The following MMRN1 variants were observed in gnomAD, a reference collection of about 807,000 sequenced individuals.
MMRN1 encodes multimerin 1, also known as multimerin-1.
A neutral mutation model predicts 100.7 loss-of-function variants in MMRN1; 94 were observed. That is an observed-to-expected ratio of 0.93 (90% CI 0.79 to 1.11). MMRN1 has a LOEUF of 1.11. Ranked by LOEUF, MMRN1 falls within the 50% of genes least tolerant of loss-of-function variation. The pLI is 0.00. For synonymous variants in MMRN1, 575 were observed against 505.0 expected, an observed-to-expected ratio of 1.14 and a Z score of -1.86; for missense variants, 1,606 against 1,439.1, an observed-to-expected ratio of 1.12 and a Z score of -1.88.
chr4:89,923,130 T>G (rs1722142619), intron 3 of MMRN1, 38 bp from the exon 4 acceptor site: 1 of 1,547,884 alleles, frequency 6.5e-7, no homozygotes, highest in Admixed American at 1.7e-5. Flanking sequence ...GCTGTCCCAG[T>G]GCTTAACTGT....
chr4:89,926,943 G>A (rs957010434), intron 4 of MMRN1, among the ~76,000 whole-genome samples: 1 of 152,008 alleles, frequency 6.6e-6, no homozygotes, highest in African/African-American at 2.4e-5. Flanking sequence ...GTAGATACAT[G>A]GATTTGTTTC....
chr4:89,882,968 A>G (rs141972073), intron 1 of MMRN1, among the ~76,000 whole-genome samples: 22 of 152,074 alleles, frequency 1.4e-4, no homozygotes, highest in South Asian at 1.2e-3. Flanking sequence ...ATCATTGTAA[A>G]TTAGTATTTC....
chr4:89,920,839 G>A (rs570980710), intron 3 of MMRN1, among the ~76,000 whole-genome samples: 26 of 151,392 alleles, frequency 1.7e-4, no homozygotes, highest in African/African-American at 5.6e-4. Flanking sequence ...TTTTAAATAC[G>A]CACCTGCCCC....
intron 3 of MMRN1, among the ~76,000 whole-genome samples, chr4:89,921,285 A>T (rs1055690722): frequency 6.6e-6 from 1 of 152,104 alleles, no homozygotes; most frequent in African/African-American, 2.4e-5. Flanking sequence ...CTTAACATTC[A>T]TATTTAAATT....
intron 3 of MMRN1, among the ~76,000 whole-genome samples, chr4:89,917,119 G>A (rs916247789): frequency 6.6e-6 from 1 of 151,654 alleles, no homozygotes; most frequent in Non-Finnish European, 1.5e-5. Flanking sequence ...GTGTGTATGT[G>A]TGAAAGAGAC....
upstream of MMRN1, among the ~76,000 whole-genome samples, chr4:89,891,646 C>T (rs544144267): frequency 1.3e-5 from 2 of 152,112 alleles, no homozygotes; most frequent in East Asian, 1.9e-4. Context: ...ATGTTGATAA[C>T]CCCCTTTGTC....
At chr4:89,930,131 C>T (rs1324750148) in intron 5 of MMRN1, among the ~76,000 whole-genome samples, 2 of 152,144 alleles carry the variant, frequency 1.3e-5, no homozygotes, top group Non-Finnish European at 2.9e-5. Context: ...GATGTGCCCA[C>T]TCAACTATTA....
chr4:89,898,869 A>G (rs1248545222), intron 1 of MMRN1, among the ~76,000 whole-genome samples: 2 of 152,054 alleles, frequency 1.3e-5, no homozygotes, highest in African/African-American at 2.4e-5. Context: ...CTACATAATA[A>G]TCATAATGAA....
At chr4:89,947,698 T>C (rs16996201) in intron 6 of MMRN1, among the ~76,000 whole-genome samples, 16,513 of 152,140 alleles carry the variant, frequency 0.11, 1,278 homozygotes, top group East Asian at 0.29. Flanking sequence ...AAGAAAATGA[T>C]GCTTTATTGG....
Position 89,895,255 on chromosome 4 carries a change from T to A in MMRN1, c.284T>A (p.Val95Glu). 1 of 1,613,802 alleles carries A rather than the reference T, an allele frequency of 6.2e-7. No homozygotes were observed. Among genetic ancestry groups the A allele is most frequent in the Non-Finnish European group, 8.5e-7 (1 of 1,179,904 alleles). The change falls in exon 1 of 8, where the codon GTG (valine) becomes GAG (glutamate). Residue 95 changes from valine (V) to glutamate (E), a missense_variant. Val to Glu is a moderately radical substitution (Grantham distance 121, BLOSUM62 -2). Transcript: ENST00000264790. ...GAAACAAGTGCACCTGCTGAGGGTG[T>A]GAGAAATCAAACTCTCACATCCACA... is the stretch of plus-strand genomic sequence containing the variant. ...PSETSAPAEGVRNQTLTSTEK... is the reference protein window; with the variant it reads ...PSETSAPAEGERNQTLTSTEK...
chr4:89,923,413 C>T (rs1480166123), intron 4 of MMRN1, 141 bp downstream of exon 4: 2 of 785,614 alleles, frequency 2.5e-6, no homozygotes, highest in South Asian at 1.6e-5. Context: ...TCTACTGGTG[C>T]TGGATGTTGG....
chr4:89,893,358 T>C (rs1721097680), upstream of MMRN1, among the ~76,000 whole-genome samples: 1 of 151,958 alleles, frequency 6.6e-6, no homozygotes, highest in African/African-American at 2.4e-5. Flanking sequence ...ATGGCAAAGA[T>C]TGAGGGAAGA....
chr4:89,944,507 A>C (rs1722927702), intron 6 of MMRN1, among the ~76,000 whole-genome samples: 1 of 152,194 alleles, frequency 6.6e-6, no homozygotes, highest in Admixed American at 6.5e-5. Context: ...CAATGATGAC[A>C]CTATGGATAT....
intron 6 of MMRN1, among the ~76,000 whole-genome samples, chr4:89,937,126 A>G (rs1424243001): frequency 6.6e-6 from 1 of 152,082 alleles, no homozygotes; most frequent in Non-Finnish European, 1.5e-5. Flanking sequence ...AGGCAAGGAG[A>G]TCTTTAATAG....
intron 6 of MMRN1, among the ~76,000 whole-genome samples, chr4:89,942,517 A>G (rs965434808): frequency 6.6e-6 from 1 of 152,192 alleles, no homozygotes; most frequent in Non-Finnish European, 1.5e-5. Context: ...TACTAACTGC[A>G]TATGAAGTCT....
chr4:89,934,728 A>T, intron 5 of MMRN1, 82 bp from the exon 6 acceptor site: 2 of 762,302 alleles, frequency 2.6e-6, no homozygotes, highest in Non-Finnish European at 3.9e-6. Flanking sequence ...ATTAATGTTT[A>T]ATTTCAAACT....
intron 1 of MMRN1, among the ~76,000 whole-genome samples, chr4:89,885,442 G>T (rs1720915325): frequency 6.6e-6 from 1 of 152,008 alleles, no homozygotes; most frequent in Admixed American, 6.6e-5. Flanking sequence ...TTATAAATGA[G>T]ATTAGGATGT....
At chr4:89,931,749 A>C (rs904477281) in intron 5 of MMRN1, among the ~76,000 whole-genome samples, 5 of 152,174 alleles carry the variant, frequency 3.3e-5, no homozygotes, top group Non-Finnish European at 7.3e-5. Flanking sequence ...CTTATTCACT[A>C]TCATGAGAAC....
At chr4:89,886,922 C>A (rs1043761140) in intron 1 of MMRN1, among the ~76,000 whole-genome samples, 2 of 151,992 alleles carry the variant, frequency 1.3e-5, no homozygotes, top group Non-Finnish European at 2.9e-5. Flanking sequence ...ACTATAGTCA[C>A]CCTATTGTGC....
Sources: allele counts gnomAD v4.1 joint callset (sites outside exome capture counted in the v4.1 genomes callset), GRCh38; gene constraint gnomAD v4.1.1; transcripts MANE v1.5; gene names NCBI Gene and HGNC (gene_info 2026-07-23, HGNC 2026-07-21).